Variants in DNM3 observed in about 807,000 individuals in gnomAD.
The protein encoded by DNM3 is dynamin 3, also known as dynamin-3.
Under a neutral mutation model 101.6 loss-of-function variants are expected in DNM3, and 47 were observed. The observed-to-expected ratio is 0.46, with a 90% CI of 0.37 to 0.59. The LOEUF (loss-of-function observed/expected upper bound fraction) is 0.59, where lower values mean the gene tolerates loss of function less well. Among genes scored for constraint, DNM3 ranks in the 20% least tolerant of loss-of-function variants. The probability of loss-of-function intolerance (pLI) is 0.00; values close to 1 mark genes in which losing one functional copy is unlikely to be tolerated. For missense variants in DNM3, 849 were observed against 1,085.7 expected (o/e 0.78, Z 3.06); for synonymous variants, 385 against 387.9 (o/e 0.99, Z 0.09).
intron 19 of DNM3, among the ~76,000 whole-genome samples, chr1:172,388,245 AAAG>A (rs984887901): frequency 6.6e-6 from 1 of 152,190 alleles, no homozygotes; most frequent in African/African-American, 2.4e-5. Flanking sequence ...AAGAAAAAAA[AAAG>A]GAGGTTGTAG....
At chr1:172,226,033 C>T (rs977747322) in intron 14 of DNM3, among the ~76,000 whole-genome samples, 1 of 152,048 alleles carries the variant, frequency 6.6e-6, no homozygotes, top group Non-Finnish European at 1.5e-5. Context: ...ATTTAACCAG[C>T]ATCCTATAAG....
At chr1:171,903,529 G>T (rs1289730368) in intron 1 of DNM3, among the ~76,000 whole-genome samples, 1 of 152,186 alleles carries the variant, frequency 6.6e-6, no homozygotes, top group Non-Finnish European at 1.5e-5. Flanking sequence ...GTACACTGGG[G>T]AAGGTAAGTA....
intron 2 of DNM3, among the ~76,000 whole-genome samples, chr1:171,924,186 G>A (rs2040387167): frequency 6.6e-6 from 1 of 152,082 alleles, no homozygotes; most frequent in Middle Eastern, 3.2e-3. Flanking sequence ...TTTCCTTTGG[G>A]TAGCTACCCA....
intron 15 of DNM3, among the ~76,000 whole-genome samples, chr1:172,298,879 GACAGAGAA>G (rs1371345408): frequency 1.9e-4 from 27 of 138,748 alleles, no homozygotes; most frequent in African/African-American, 4.8e-4. Context: ...GAGAGAGAAA[GACAGAGAA>G]AGAAAGAAAG....
At chr1:172,240,364 T>A (rs910130828) in intron 14 of DNM3, among the ~76,000 whole-genome samples, 11 of 152,176 alleles carry the variant, frequency 7.2e-5, no homozygotes, top group Admixed American at 7.2e-4. Flanking sequence ...CAGCTTTGAT[T>A]TTTGTTTGCA....
chr1:172,365,128 G>A (rs777380895), intron 17 of DNM3, among the ~76,000 whole-genome samples: 3 of 151,878 alleles, frequency 2.0e-5, no homozygotes, highest in African/African-American at 4.8e-5. Flanking sequence ...AACTGGGGAA[G>A]TGTAATATGA....
intron 14 of DNM3, among the ~76,000 whole-genome samples, chr1:172,156,630 G>GT (rs1439701112): frequency 2.0e-5 from 3 of 150,834 alleles, no homozygotes; most frequent in East Asian, 2.0e-4. Context: ...TCCTCCTCCT[G>GT]TTTTTTTCTG....
chr1:171,970,023 A>T (rs1162803972), intron 2 of DNM3: 4 of 152,752 alleles, frequency 2.6e-5, no homozygotes, highest in African/African-American at 7.2e-5. Flanking sequence ...ATAGAAGTCC[A>T]TGTGACTTTG....
chr1:172,153,117 G>T (rs1052348830), intron 14 of DNM3, among the ~76,000 whole-genome samples: 1 of 152,178 alleles, frequency 6.6e-6, no homozygotes, highest in African/African-American at 2.4e-5. Context: ...CAGAGAAGGA[G>T]CATTAGAATT....
chr1:172,347,285 G>C (rs2066990061), intron 17 of DNM3, among the ~76,000 whole-genome samples: 1 of 151,976 alleles, frequency 6.6e-6, no homozygotes, highest in Non-Finnish European at 1.5e-5. Context: ...TAAGGAAAAT[G>C]AATAGCTTAC....
At chr1:171,904,697 G>A (rs2038665540) in intron 1 of DNM3, among the ~76,000 whole-genome samples, 1 of 152,144 alleles carries the variant, frequency 6.6e-6, no homozygotes, top group Admixed American at 6.5e-5. Context: ...GTGCTTTACT[G>A]AAGCAGTGTC....
chr1:172,233,017 A>G (rs1325051386), intron 14 of DNM3, among the ~76,000 whole-genome samples: 1 of 152,196 alleles, frequency 6.6e-6, no homozygotes, highest in Non-Finnish European at 1.5e-5. Context: ...AAGCTAGCAG[A>G]AGGCAAGAAA....
At position 172,409,021 on chromosome 1, in the gene DNM3, T is replaced by C; in HGVS notation, c.*1180T>C. On this transcript the variant is annotated 3_prime_UTR_variant, in exon 21 of 21. Coordinates refer to ENST00000627582, the MANE Select transcript of DNM3 (RefSeq NM_015569.5). ...AAAAGGGTATTGAAACGTTGAAATCTAAAGCAAATTTGCAATTTCTTAAGA... is the reference window on the plus strand; with the variant it reads ...AAAAGGGTATTGAAACGTTGAAATCCAAAGCAAATTTGCAATTTCTTAAGA... 3.0e-6 allele frequency: 3 copies of C among 985,374 alleles called. No homozygotes were observed. Among genetic ancestry groups the C allele is most frequent in the Non-Finnish European group, 3.6e-6 (3 of 829,860 alleles). The allele number at this position is 985,374 out of a possible 1,614,324, so 61.0% of individuals were successfully genotyped here.
chr1:172,268,761 T>G (rs2062968571), intron 15 of DNM3, among the ~76,000 whole-genome samples: 1 of 152,218 alleles, frequency 6.6e-6, no homozygotes, highest in South Asian at 2.1e-4. Context: ...GCAAGCAATT[T>G]AAATTCTTTA....
chr1:171,953,804 A>G (rs1254150003), intron 2 of DNM3, among the ~76,000 whole-genome samples: 1 of 152,188 alleles, frequency 6.6e-6, no homozygotes, highest in African/African-American at 2.4e-5. Flanking sequence ...AGTAGACAGG[A>G]AAGTTGCCAA....
At chr1:172,019,442 T>C (rs562249898) in intron 4 of DNM3, among the ~76,000 whole-genome samples, 1 of 151,936 alleles carries the variant, frequency 6.6e-6, no homozygotes, top group African/African-American at 2.4e-5. Flanking sequence ...ATTTTAAATA[T>C]ACTATGCCTA....
At chr1:172,226,385 A>G (rs1269056527) in intron 14 of DNM3, among the ~76,000 whole-genome samples, 1 of 152,226 alleles carries the variant, frequency 6.6e-6, no homozygotes, top group Non-Finnish European at 1.5e-5. Flanking sequence ...GTACATACTT[A>G]ACTATAACTT....
intron 2 of DNM3, among the ~76,000 whole-genome samples, chr1:171,942,153 G>A (rs2125413675): frequency 6.8e-6 from 1 of 147,534 alleles, no homozygotes; most frequent in East Asian, 2.1e-4. Flanking sequence ...GTTGGGGAAA[G>A]ATATTTGATG....
intron 14 of DNM3, chr1:172,133,052 A>G: frequency 6.8e-7 from 1 of 1,473,962 alleles, no homozygotes; most frequent in Middle Eastern, 1.8e-4. Context: ...AGCCAACCTC[A>G]TCCCACAGAG....
Sources: allele counts gnomAD v4.1 joint callset (sites outside exome capture counted in the v4.1 genomes callset), GRCh38; gene constraint gnomAD v4.1.1; transcripts MANE v1.5; gene names NCBI Gene and HGNC (gene_info 2026-07-23, HGNC 2026-07-21).